The following TGDS variants were observed in gnomAD, a reference collection of about 807,000 sequenced individuals.
The protein encoded by TGDS is UDP-D-glucose 4,6-dehydratase.
TGDS carries 47 observed loss-of-function variants against 52.3 expected under a neutral mutation model. That is an observed-to-expected ratio of 0.90 (90% CI 0.71 to 1.15). The LOEUF is 1.15. Among genes scored for constraint, TGDS ranks in the 50% most tolerant of loss-of-function variants. The pLI is 0.00. For missense variants in TGDS, 375 were observed against 418.4 expected (o/e 0.90, Z 0.90); for synonymous variants, 115 against 136.9 (o/e 0.84, Z 1.12).
chr13:94,583,696 C>T (rs1888880768), intron 4 of TGDS, among the ~76,000 whole-genome samples: 1 of 151,890 alleles, frequency 6.6e-6, no homozygotes, highest in Non-Finnish European at 1.5e-5. Flanking sequence ...GAATCACAAT[C>T]CAGAAGCAAT....
In TGDS at chr13:94,574,670, A is replaced by T; in HGVS notation, c.*112T>A. On this transcript the variant is annotated 3_prime_UTR_variant, in exon 12 of 12. Transcript: ENST00000261296. ...TTGAATTTTATACAGAAAGTCATGA[A>T]TCTAATTCCAAAAGAAAAGAGTGCA... 1 of 633,588 alleles carries T rather than the reference A, an allele frequency of 1.6e-6. No individual in the cohort carries two copies. The allele number at this position is 633,588 out of a possible 1,614,324, so 39.2% of individuals were successfully genotyped here.
chr13:94,588,255 C>T (rs1343880187), intron 4 of TGDS, among the ~76,000 whole-genome samples: 3 of 150,672 alleles, frequency 2.0e-5, no homozygotes, highest in African/African-American at 7.3e-5. Context: ...GAAACCCCAT[C>T]TCTATCAAAA....
At chr13:94,592,341 CAA>C in intron 2 of TGDS, 32 bp from the exon 3 acceptor site, 1 of 1,531,282 alleles carries the variant, frequency 6.5e-7, no homozygotes, top group African/African-American at 1.4e-5. Context: ...AGGGGCAACA[CAA>C]AAAGTGACAT....
chr13:94,583,073 A>G, intron 5 of TGDS, 21 bp downstream of exon 5: 1 of 1,609,300 alleles, frequency 6.2e-7, no homozygotes, highest in Non-Finnish European at 8.5e-7. Flanking sequence ...AGTAGGTAAA[A>G]TATACATTTT....
At chr13:94,574,897 A>C (rs746965147) in intron 11 of TGDS, 45 bp from the exon 12 acceptor site, 2 of 1,303,862 alleles carry the variant, frequency 1.5e-6, no homozygotes, top group Non-Finnish European at 1.1e-6. Context: ...GAAAAGAAAG[A>C]AAAACTAAAC....
rs543167334 is a variant in TGDS at position 94,576,589 on chromosome 13, C to T, written c.885-178G>A. Among the ~76,000 whole-genome samples, 3 of 151,714 alleles carry T rather than the reference C, an allele frequency of 2.0e-5. No individual in the cohort carries two copies. The East Asian group carries it at 5.8e-4, about 29-fold the overall frequency. On this transcript the variant is annotated intron_variant, in intron 10 of 11. Transcript: ENST00000261296. The stretch of plus-strand genomic sequence containing the variant: ...AAGTATATATTTAAAAAAAAAAAGT[C>T]ACCCATAATGCCAGGTGCCTAACCC...
intron 10 of TGDS, among the ~76,000 whole-genome samples, 165 bp from the exon 11 acceptor site, chr13:94,576,576 A>T (rs116036564): frequency 0.011 from 1,645 of 147,078 alleles, 35 homozygotes; most frequent in African/African-American, 0.038. Context: ...GTATATATTT[A>T]AAAAAAAAAA....
chr13:94,576,646 G>C (rs192856537), intron 10 of TGDS, among the ~76,000 whole-genome samples: 12 of 151,632 alleles, frequency 7.9e-5, no homozygotes, highest in African/African-American at 2.4e-4. Flanking sequence ...TTTCAGCCAC[G>C]ATCTAGATAT....
intron 5 of TGDS, 142 bp downstream of exon 5, chr13:94,582,952 G>C: frequency 1.4e-6 from 1 of 735,876 alleles, no homozygotes; most frequent in Non-Finnish European, 2.1e-6. Flanking sequence ...TATTAGTTGT[G>C]TCCCTCTAGA....
Position 94,588,421 on chromosome 13 carries a change from C to CAAAA in TGDS, c.313+2428_313+2431dup, listed in dbSNP as rs150186125. 2.7e-3 allele frequency among the ~76,000 whole-genome samples: 155 copies of CAAAA among 58,478 alleles called. 1 individual carries two copies. Among genetic ancestry groups the CAAAA allele is most frequent in the Middle Eastern group, 0.021 (1 of 48 alleles). 38.4% of individuals were successfully genotyped at this position (58,478 alleles called of 152,430 possible). ...CTGGGCAATCAGCGAGACTCTGTCT[C>CAAAA]AAAAAAAAAAAAAAAAAAAAAAAAA... On this transcript the variant is annotated intron_variant, in intron 4 of 11. Transcript: ENST00000261296.
At chr13:94,584,299 T>C (rs1888905570) in intron 4 of TGDS, among the ~76,000 whole-genome samples, 1 of 152,058 alleles carries the variant, frequency 6.6e-6, no homozygotes, top group South Asian at 2.1e-4. Flanking sequence ...TAAGTGAAAA[T>C]CAGGTCTTTA....
intron 4 of TGDS, among the ~76,000 whole-genome samples, chr13:94,585,956 T>C (rs1283910655): frequency 1.3e-5 from 2 of 151,410 alleles, no homozygotes; most frequent in Non-Finnish European, 2.9e-5. Flanking sequence ...ACTCCAAGAG[T>C]ACAAACAGAA....
At chr13:94,589,314 G>C (rs4473052) in intron 4 of TGDS, among the ~76,000 whole-genome samples, 99,266 of 149,342 alleles carry the variant, frequency 0.66, 33,202 homozygotes, top group Admixed American at 0.72. Flanking sequence ...ATGGACAAAA[G>C]ATTTCTTTTT....
chr13:94,592,216 T>C, intron 3 of TGDS, 25 bp downstream of exon 3: 1 of 1,557,514 alleles, frequency 6.4e-7, no homozygotes. Context: ...AGAGGCACGG[T>C]ACAGTTACAA....
At chr13:94,594,901 T>C (rs893930784) in intron 1 of TGDS, among the ~76,000 whole-genome samples, 1 of 152,144 alleles carries the variant, frequency 6.6e-6, no homozygotes, top group African/African-American at 2.4e-5. Context: ...CTTGCATTCA[T>C]CCATTCCACA....
In TGDS at chr13:94,588,250, C is replaced by T. The variant is rs149572137; in HGVS notation, c.313+2603G>A. On this transcript the variant is annotated intron_variant, in intron 4 of 11. Coordinates refer to ENST00000261296, the MANE Select transcript of TGDS (RefSeq NM_014305.4). Reference sequence around the variant, plus strand: ...ACCAGCCTGGCCAACATGGTGAAACCCCATCTCTATCAAAAATACAAAATT... The same window carrying T: ...ACCAGCCTGGCCAACATGGTGAAACTCCATCTCTATCAAAAATACAAAATT... Among the ~76,000 whole-genome samples the T allele has an allele frequency of 6.7e-3, 1,001 of 150,004 alleles. 13 individuals are homozygous for T. The highest frequency in any genetic ancestry group is 0.023 in the African/African-American group (944 of 40,816).
At chr13:94,575,341 G>C (rs1250727751) in intron 11 of TGDS, among the ~76,000 whole-genome samples, 2 of 145,500 alleles carry the variant, frequency 1.4e-5, no homozygotes, top group African/African-American at 5.2e-5. Flanking sequence ...CCAGACTAGA[G>C]TGTAGTGGTG....
At position 94,590,957 on chromosome 13, in the gene TGDS, C is replaced by G; in HGVS notation, c.223-14G>C. On this transcript the variant is annotated splice_polypyrimidine_tract_variant and intron_variant, in intron 3 of 11. Transcript: ENST00000261296. Reference sequence around the variant, plus strand: ...ACATATGTCACCCTATATGAAAAAGCAAACATGAAAGGGCCTAGGTTTCAT... The same window carrying G: ...ACATATGTCACCCTATATGAAAAAGGAAACATGAAAGGGCCTAGGTTTCAT... The G allele has an allele frequency of 6.4e-7, 1 of 1,560,656 alleles. No individual in the cohort carries two copies. Among genetic ancestry groups the G allele is most frequent in the African/African-American group, 1.4e-5 (1 of 71,432 alleles).
At chr13:94,591,668 CTAA>C (rs1175288421) in intron 3 of TGDS, among the ~76,000 whole-genome samples, 7 of 152,050 alleles carry the variant, frequency 4.6e-5, no homozygotes, top group Non-Finnish European at 8.8e-5. Context: ...TATGGTACTT[CTAA>C]TGTTTATATG....
Sources: gnomAD v4.1 joint callset for allele counts (sites outside exome capture counted in the v4.1 genomes callset) on GRCh38, gnomAD v4.1.1 for gene constraint, MANE v1.5 for transcripts, NCBI Gene and HGNC (gene_info 2026-07-23, HGNC 2026-07-21) for gene names.